The following NUMA1 variants were observed in gnomAD, a reference collection of about 807,000 sequenced individuals.
The protein encoded by NUMA1 is nuclear mitotic apparatus protein 1.
In NUMA1, 62 loss-of-function variants were observed where a neutral mutation model predicts 237.1. The ratio of observed to expected loss-of-function variants is 0.26; its 90% CI spans 0.21 to 0.32. The LOEUF (loss-of-function observed/expected upper bound fraction) is 0.32, where lower values mean the gene tolerates loss of function less well. NUMA1 is among the 10% of genes least tolerant of loss of function. The probability of loss-of-function intolerance (pLI) is 1.00; values close to 1 mark genes in which losing one functional copy is unlikely to be tolerated. For synonymous variants in NUMA1, 1,028 were observed against 1,066.1 expected (o/e 0.96, Z 0.70); for missense variants, 2,533 against 2,666.5 (o/e 0.95, Z 1.10).
At position 72,003,966 on chromosome 11, in the gene NUMA1, C is replaced by T. The variant is rs574732890; in HGVS notation, c.6257G>A (p.Arg2086His). ...TGTGGTGGTGGCAATGCGCGGAGAA[C>T]GGCGGGTTCCACTGCGAGTGTTGGG... ...ASPNTRSGTR[R>H]SPRIATTTAS... Residue 2086 changes from arginine (R) to histidine (H), a missense_variant, in exon 26 of 27, where the codon CGT (arginine) becomes CAT (histidine). Physicochemically the swap from Arg to His is conservative, Grantham distance 29 (BLOSUM62 0). Coordinates refer to ENST00000393695, the MANE Select transcript of NUMA1 (RefSeq NM_006185.4). The T allele has an allele frequency of 3.8e-5, 62 of 1,613,150 alleles. No individual in the cohort carries two copies. Among genetic ancestry groups the T allele is most frequent in the Middle Eastern group, 3.3e-4 (2 of 6,036 alleles).
rs1390717866 is a variant in NUMA1, at chr11:72,017,682, G to T, written c.1119+5C>A. The T allele has an allele frequency of 6.2e-7, 1 of 1,612,856 alleles. No individual in the cohort carries two copies. Among genetic ancestry groups the T allele is most frequent in the Admixed American group, 1.7e-5 (1 of 60,034 alleles). ...ACTGTGGCTGTGACCCCAGCAGAGGGTTACCTTGTCCTGCAGGGCTGCGCT... is the reference window on the plus strand; with the variant it reads ...ACTGTGGCTGTGACCCCAGCAGAGGTTTACCTTGTCCTGCAGGGCTGCGCT... On this transcript the variant is annotated splice_donor_5th_base_variant and intron_variant, in intron 13 of 26. Transcript: ENST00000393695.
intron 16 of NUMA1, among the ~76,000 whole-genome samples, chr11:72,011,820 C>A (rs1196358523): frequency 6.6e-6 from 1 of 152,108 alleles, no homozygotes; most frequent in East Asian, 1.9e-4. Context: ...TGGTATAGAC[C>A]CCTCCTGCTC....
chr11:72,045,685 G>A (rs1284830196), intron 2 of NUMA1, among the ~76,000 whole-genome samples: 1 of 152,052 alleles, frequency 6.6e-6, no homozygotes, highest in Non-Finnish European at 1.5e-5. Flanking sequence ...TCACCATGTT[G>A]CCCAGGCTGG....
In NUMA1 at chr11:72,004,080, A is replaced by G. The variant is rs765635913; in HGVS notation, c.6143T>C (p.Met2048Thr). ...STKQADRRQS[M>T]AFSILNTPKK... ...GGGTGTGTTGAGGATGCTGAAGGCC[A>G]TCGACTGGCGCCGGTCAGCCTGCAA... is the stretch of plus-strand genomic sequence containing the variant. The change falls in exon 26 of 27, where the codon ATG (methionine) becomes ACG (threonine). Residue 2048 changes from methionine to threonine, a missense_variant. By Grantham distance (81) the Met-to-Thr change is moderately conservative. Coordinates refer to ENST00000393695, the MANE Select transcript of NUMA1 (RefSeq NM_006185.4). 11 of 1,613,094 alleles carry G rather than the reference A, an allele frequency of 6.8e-6. No homozygotes were observed. In the Admixed American group the frequency reaches 1.3e-4, roughly 20 times the overall value.
chr11:72,061,781 C>T (rs921886823), intron 2 of NUMA1, among the ~76,000 whole-genome samples: 8 of 152,098 alleles, frequency 5.3e-5, no homozygotes, highest in Admixed American at 5.2e-4. Context: ...AGCCACCATG[C>T]CTGGCCCCTT....
At chr11:72,055,135 G>T (rs1288352244) in intron 2 of NUMA1, among the ~76,000 whole-genome samples, 1 of 152,052 alleles carries the variant, frequency 6.6e-6, no homozygotes, top group Non-Finnish European at 1.5e-5. Flanking sequence ...GAATAGATTT[G>T]GGGATCATCA....
intron 2 of NUMA1, among the ~76,000 whole-genome samples, chr11:72,057,931 C>T (rs890060875): frequency 4.0e-5 from 6 of 149,094 alleles, no homozygotes; most frequent in Non-Finnish European, 5.9e-5. Context: ...AATAGCTAGG[C>T]GTGGTAGCAG....
At chr11:72,024,096 T>C in intron 5 of NUMA1, 178 bp downstream of exon 5, 1 of 587,350 alleles carries the variant, frequency 1.7e-6, no homozygotes, top group South Asian at 2.0e-5. Flanking sequence ...TTACACCAAC[T>C]GATGAAGGCA....
At position 72,040,267 on chromosome 11, in the gene NUMA1, G is replaced by T. The variant is rs144160683; in HGVS notation, c.-32-4292C>A. ...CCCCAAAGCCCTGGAGAGGAACAAG[G>T]GAGGGATTACAGAGGAAACCAAGCT... On this transcript the variant is annotated intron_variant, in intron 2 of 26. Coordinates refer to ENST00000393695, the MANE Select transcript of NUMA1 (RefSeq NM_006185.4). Among the ~76,000 whole-genome samples, 5 of 152,214 alleles carry T rather than the reference G, an allele frequency of 3.3e-5. 1 individual carries two copies. In the East Asian group the frequency reaches 9.7e-4, roughly 29 times the overall value.
At chr11:72,025,646 C>A (rs1939484295) in intron 4 of NUMA1, among the ~76,000 whole-genome samples, 1 of 152,188 alleles carries the variant, frequency 6.6e-6, no homozygotes, top group Admixed American at 6.5e-5. Context: ...TAGTTCTTAG[C>A]CAACTTTCTG....
rs35559801 is a variant in NUMA1 at position 72,043,357 on chromosome 11, CTTTTTTTT to C, written c.-32-7390_-32-7383del. 2.7e-4 allele frequency among the ~76,000 whole-genome samples: 28 copies of C among 105,604 alleles called. No homozygotes were observed. The East Asian group carries it at 4.3e-3, about 16-fold the overall frequency. The allele number at this position is 105,604 out of a possible 152,430, so 69.3% of individuals were successfully genotyped here. On this transcript the variant is annotated intron_variant, in intron 2 of 26. Transcript: ENST00000393695. ...AACAAAAAATTAGCCAGGCGGAGTT[CTTTTTTTT>C]TTTTTTTTTTTTTTTAAAGCAGGGT...
intron 1 of NUMA1, 101 bp downstream of exon 1, chr11:72,080,357 G>A (rs573980715): frequency 2.7e-5 from 4 of 149,310 alleles, no homozygotes; most frequent in South Asian, 4.2e-4. Context: ...GGTTATGGAG[G>A]AGGCCTTCCG....
intron 26 of NUMA1, 150 bp downstream of exon 26, chr11:72,003,737 G>T: frequency 9.9e-7 from 1 of 1,010,502 alleles, no homozygotes. Context: ...TTCTCTCCTT[G>T]GAGAGGAGCT....
At chr11:72,065,060 T>C (rs1481107715) in intron 2 of NUMA1, 1 of 152,216 alleles carries the variant, frequency 6.6e-6, no homozygotes, top group African/African-American at 2.4e-5. Flanking sequence ...CTTTCCCCCT[T>C]AACACATTAT....
rs1396749443 is a variant in NUMA1, at chr11:72,009,163, T to A, written c.4862A>T (p.Tyr1621Phe). 8 of 1,582,890 alleles carry A rather than the reference T, an allele frequency of 5.1e-6. No homozygotes were observed. The Admixed American group carries it at 8.5e-5, about 17-fold the overall frequency. ...TTGGTTCTGCTGCTTCTTGGCATCA[T>A]AATGTGTTTTGGCTTTCTCCATCTG... ...KLQMEKAKTHYDAKKQQNQEL... is the reference protein window; with the variant it reads ...KLQMEKAKTHFDAKKQQNQEL... Residue 1621 changes from tyrosine to phenylalanine, a missense_variant, in exon 19 of 27, where the codon TAT becomes TTT. Physicochemically the swap from Tyr to Phe is conservative, Grantham distance 22 (BLOSUM62 3). Transcript: ENST00000393695.
Position 72,006,135 on chromosome 11 carries a change from A to T in NUMA1, c.5592T>A (p.Asp1864Glu), listed in dbSNP as rs760707601. ...AGCTGAGCAGGGCTGAGTTGCCATA[A>T]TCGGGAGAACCCAGGCGAGCTAGAG... ...TQSLARLGSP[D>E]YGNSALLSLP... The change falls in exon 22 of 27, where the codon GAT (aspartate) becomes GAA (glutamate). Residue 1864 changes from aspartate (D) to glutamate (E), a missense_variant. Asp to Glu is a conservative substitution (Grantham distance 45, BLOSUM62 2). Transcript: ENST00000393695. 3 of 1,614,138 alleles carry T rather than the reference A, an allele frequency of 1.9e-6. No individual in the cohort carries two copies.
At chr11:72,007,833 G>A in intron 20 of NUMA1, 1 of 351,442 alleles carries the variant, frequency 2.8e-6, no homozygotes, top group South Asian at 2.4e-5. Context: ...CGTCCTGCTT[G>A]GCGAGCCCAA....
At chr11:72,019,355 T>G in intron 9 of NUMA1, 139 bp downstream of exon 9, 1 of 1,124,234 alleles carries the variant, frequency 8.9e-7, no homozygotes. Flanking sequence ...TAATACTGGG[T>G]GAGGTGAGGA....
In NUMA1 at chr11:72,014,336, A is replaced by G; in HGVS notation, c.3167T>C (p.Leu1056Pro). ...ATLQEALAHA[L>P]TEKEGKDQEL... ...CTGGTCCTTGCCTTCCTTTTCCGTC[A>G]GGGCATGAGCCAGTGCCTCTTGCAG... The change falls in exon 15 of 27, where the codon CTG (leucine) becomes CCG (proline). Residue 1056 changes from leucine to proline, a missense_variant. Transcript: ENST00000393695. This position sits in a 1 kb window ranked among gnomAD's most constrained non-coding sequence, Gnocchi z 4.6. The G allele has an allele frequency of 1.2e-6, 2 of 1,613,768 alleles. No individual in the cohort carries two copies. The highest frequency in any genetic ancestry group is 1.7e-6 in the Non-Finnish European group (2 of 1,180,030).
Sources: gnomAD v4.1 joint callset for allele counts (sites outside exome capture counted in the v4.1 genomes callset) on GRCh38, gnomAD v4.1.1 for gene constraint, Gnocchi (gnomAD v3.1) non-coding constraint, MANE v1.5 for transcripts, NCBI Gene and HGNC (gene_info 2026-07-23, HGNC 2026-07-21) for gene names.